The following CFAP70 variants were observed in gnomAD, a reference collection of about 807,000 sequenced individuals.
The protein encoded by CFAP70 is cilia- and flagella-associated protein 70.
CFAP70 carries 81 observed loss-of-function variants against 137.6 expected under a neutral mutation model. That is an observed-to-expected ratio of 0.59 (90% confidence interval 0.49 to 0.71). The LOEUF (loss-of-function observed/expected upper bound fraction) is 0.71. Ranked by LOEUF, CFAP70 falls within the 30% of genes least tolerant of loss-of-function variation. CFAP70 has a pLI of 0.00. For synonymous variants in CFAP70, 382 were observed against 423.6 expected, an observed-to-expected ratio of 0.90 and a Z score of 1.20; for missense variants, 976 against 1,226.7, an observed-to-expected ratio of 0.80 and a Z score of 3.05.
chr10:73,304,381 T>C (rs931987725), intron 12 of CFAP70, among the ~76,000 whole-genome samples: 7 of 152,164 alleles, frequency 4.6e-5, no homozygotes, highest in African/African-American at 1.7e-4. Context: ...ATTAGATTAT[T>C]TTTGGAAGGG....
chr10:73,310,139 A>G lies in CFAP70; in HGVS notation c.1256+19T>C, dbSNP rs2049787177. 1 of 1,554,112 alleles carries G rather than the reference A, an allele frequency of 6.4e-7. No individual in the cohort carries two copies. The highest frequency in any genetic ancestry group is 1.7e-4 in the Middle Eastern group (1 of 5,886). ...TACCCAAATTGTACAAAACTAGTAT[A>G]AGCACCATAGCTACAAACCTTCTGG... is the stretch of plus-strand genomic sequence containing the variant. On this transcript the variant is annotated intron_variant, in intron 12 of 26. Transcript: ENST00000310715.
intron 19 of CFAP70, among the ~76,000 whole-genome samples, chr10:73,284,534 G>A (rs973367096): frequency 4.0e-5 from 6 of 151,248 alleles, no homozygotes; most frequent in South Asian, 2.1e-4. Context: ...TGCCATTTTA[G>A]TATTTGTTTT....
Position 73,331,368 on chromosome 10 carries a change from AT to A in CFAP70, c.678-93del, listed in dbSNP as rs1355119514. On this transcript the variant is annotated intron_variant, in intron 7 of 26. Coordinates refer to ENST00000310715, the Ensembl canonical transcript of CFAP70. The stretch of plus-strand genomic sequence containing the variant: ...GGGAAATATTCTCTTTTAGAAAGTA[AT>A]ATAGAATATACATATATAAAAATTG... 7 of 1,055,394 alleles carry A rather than the reference AT, an allele frequency of 6.6e-6. No individual in the cohort carries two copies. In the East Asian group the frequency reaches 1.9e-4, roughly 29 times the overall value. 65.4% of individuals were successfully genotyped at this position (1,055,394 alleles called of 1,614,324 possible).
At chr10:73,344,641 A>T (rs1159728306) in intron 5 of CFAP70, among the ~76,000 whole-genome samples, 1 of 152,228 alleles carries the variant, frequency 6.6e-6, no homozygotes, top group Non-Finnish European at 1.5e-5. Context: ...GCAAGTTAGA[A>T]ATCTCCATCA....
At chr10:73,316,497 T>C (rs536356247) in intron 9 of CFAP70, among the ~76,000 whole-genome samples, 2 of 134,432 alleles carry the variant, frequency 1.5e-5, no homozygotes, top group African/African-American at 5.8e-5. Flanking sequence ...GATATATATA[T>C]ATATATATAT....
rs145104096 is a variant in CFAP70 at position 73,257,983 on chromosome 10, C to A, written c.3028-1567G>T. ...AGTCTCAGCACTGCAACCTCCACCCCCTGGGTTCAAGCGATTCTCCTGCCT... is the reference window on the plus strand; with the variant it reads ...AGTCTCAGCACTGCAACCTCCACCCACTGGGTTCAAGCGATTCTCCTGCCT... On this transcript the variant is annotated intron_variant, in intron 25 of 26. Coordinates refer to ENST00000310715, the Ensembl canonical transcript of CFAP70. Among the ~76,000 whole-genome samples, 360 of 151,952 alleles carry A rather than the reference C, an allele frequency of 2.4e-3. 8 individuals are homozygous for A. Among genetic ancestry groups the A allele is most frequent in the African/African-American group, 7.7e-3 (318 of 41,426 alleles).
chr10:73,327,932 C>T (rs1343357533), intron 8 of CFAP70, among the ~76,000 whole-genome samples: 2 of 152,104 alleles, frequency 1.3e-5, no homozygotes, highest in African/African-American at 4.8e-5. Flanking sequence ...TTTACAGATT[C>T]AATGCCATCC....
chr10:73,328,622 T>A (rs1421534860), intron 8 of CFAP70, among the ~76,000 whole-genome samples: 1 of 140,146 alleles, frequency 7.1e-6, no homozygotes, highest in Admixed American at 7.1e-5. Context: ...GAATCTACAA[T>A]GAACTCAAAC....
intron 3 of CFAP70, among the ~76,000 whole-genome samples, chr10:73,351,069 GTGTATATATA>G (rs1271183238): frequency 0.019 from 949 of 50,486 alleles, 21 homozygotes; most frequent in African/African-American, 0.064. Context: ...GTGTGTGTGT[GTGTATATATA>G]TATATATATA....
chr10:73,260,807 G>A (rs2045090266), intron 25 of CFAP70, among the ~76,000 whole-genome samples: 2 of 152,114 alleles, frequency 1.3e-5, no homozygotes, highest in African/African-American at 4.8e-5. Flanking sequence ...TTTAACTGCT[G>A]AGTAGTACTC....
At chr10:73,277,044 C>G (rs75892378) in intron 21 of CFAP70, 196 bp downstream of exon 22, 9,995 of 492,874 alleles carry the variant, frequency 0.02, 530 homozygotes, top group African/African-American at 0.13. Flanking sequence ...GCAGAACTTG[C>G]AGCGAGGTCT....
chr10:73,287,387 A>G (rs1034568511), intron 19 of CFAP70, among the ~76,000 whole-genome samples: 5 of 152,336 alleles, frequency 3.3e-5, no homozygotes, highest in African/African-American at 1.2e-4. Context: ...CCACTGTCAC[A>G]TATGTGATTC....
chr10:73,353,853 C>A, intron 2 of CFAP70, 111 bp from the exon 3 acceptor site: 7 of 902,412 alleles, frequency 7.8e-6, no homozygotes, highest in Middle Eastern at 6.8e-4. Context: ...TTTTTCCTAA[C>A]GAGCAACATC....
chr10:73,300,413 T>C (rs1035585372), intron 12 of CFAP70, among the ~76,000 whole-genome samples: 12 of 152,190 alleles, frequency 7.9e-5, no homozygotes, highest in Admixed American at 2.6e-4. Context: ...CTGTTCATAA[T>C]TACTAATTTT....
chr10:73,262,622 G>T (rs530291532), intron 25 of CFAP70, among the ~76,000 whole-genome samples: 1 of 152,168 alleles, frequency 6.6e-6, no homozygotes, highest in African/African-American at 2.4e-5. Context: ...AAAAGAAATT[G>T]TGCATATTTA....
At chr10:73,255,735 C>T (rs1195710693) in intron 26 of CFAP70, among the ~76,000 whole-genome samples, 2 of 151,850 alleles carry the variant, frequency 1.3e-5, no homozygotes, top group African/African-American at 2.4e-5. Flanking sequence ...TTAGTAGAGA[C>T]GGGGTTTCAC....
At chr10:73,335,357 T>C in intron 7 of CFAP70, 73 bp downstream of exon 8, 4 of 944,752 alleles carry the variant, frequency 4.2e-6, no homozygotes, top group Non-Finnish European at 6.5e-6. Context: ...ATAAATAAAA[T>C]TAACAAAAGT....
chr10:73,283,289 A>C (rs564355632), intron 19 of CFAP70, among the ~76,000 whole-genome samples: 19 of 152,304 alleles, frequency 1.2e-4, no homozygotes, highest in Admixed American at 2.0e-4. Flanking sequence ...TTCCATGTGC[A>C]CTTGAAAGAA....
At chr10:73,311,735 T>C in intron 11 of CFAP70, 99 bp downstream of exon 12, 1 of 970,158 alleles carries the variant, frequency 1.0e-6, no homozygotes, top group Non-Finnish European at 1.6e-6. Flanking sequence ...TATGGAATGA[T>C]AACTAACATC....
Sources: gnomAD v4.1 joint callset for allele counts (sites outside exome capture counted in the v4.1 genomes callset) on GRCh38, gnomAD v4.1.1 for gene constraint, MANE v1.5 for transcripts, NCBI Gene and HGNC (gene_info 2026-07-23, HGNC 2026-07-21) for gene names.